FER1L5: variants seen among roughly 807,000 people sequenced by gnomAD.
FER1L5 encodes fer-1 like family member 5.
FER1L5 carries 187 observed loss-of-function variants against 279.9 expected under a neutral mutation model. The ratio of observed to expected loss-of-function variants is 0.67; its 90% CI spans 0.59 to 0.75. The LOEUF (loss-of-function observed/expected upper bound fraction) is 0.75. FER1L5 is among the 30% of genes least tolerant of loss of function. The pLI is 0.00. For missense variants in FER1L5, 2,091 were observed against 2,594.4 expected, an observed-to-expected ratio of 0.81 and a Z score of 4.21; for synonymous variants, 921 against 989.7, an observed-to-expected ratio of 0.93 and a Z score of 1.30.
intron 13 of FER1L5, among the ~76,000 whole-genome samples, chr2:96,663,059 A>C (rs2076009343): frequency 6.6e-6 from 1 of 152,238 alleles, no homozygotes; most frequent in South Asian, 2.1e-4. Context: ...GACGGTTTTA[A>C]AACAGGCATG....
chr2:96,700,009 C>G lies in FER1L5; in HGVS notation c.4859C>G (p.Pro1620Arg). The G allele has an allele frequency of 6.2e-7, 1 of 1,614,020 alleles. No individual in the cohort carries two copies. The highest frequency in any genetic ancestry group is 8.5e-7 in the Non-Finnish European group (1 of 1,179,916). The change falls in exon 44 of 53, where the codon CCT becomes CGT. Residue 1620 changes from proline (P) to arginine (R), a missense_variant. Pro to Arg is a moderately radical substitution (Grantham distance 103, BLOSUM62 -2). Coordinates refer to ENST00000624922, the MANE Select transcript of FER1L5 (RefSeq NM_001293083.2). ...LERYAKRKGL[P>R]PPLFSPEEDA... ...CGCTATGCCAAGCGGAAAGGGCTAC[C>G]TCCGCCTCTGTTCAGTCCTGAGGAA...
intron 9 of FER1L5, 36 bp downstream of exon 9, chr2:96,654,532 A>G (rs1661895955): frequency 5.0e-6 from 2 of 398,798 alleles, no homozygotes; most frequent in Admixed American, 8.8e-5. Context: ...TCAGTGAAAC[A>G]GTTATTAAAA....
At chr2:96,688,969 C>T (rs1451657441) in intron 24 of FER1L5, 1 of 479,132 alleles carries the variant, frequency 2.1e-6, no homozygotes, top group Non-Finnish European at 3.7e-6. Flanking sequence ...ACATAGATGT[C>T]TTATGATATC....
chr2:96,660,241 T>A, intron 9 of FER1L5, 100 bp from the exon 10 acceptor site: 2 of 1,226,824 alleles, frequency 1.6e-6, no homozygotes, highest in Non-Finnish European at 1.2e-6. Flanking sequence ...GCAGAGAACA[T>A]ACTGAAGCCC....
In FER1L5 at chr2:96,672,990, A is replaced by G. The variant is rs886121110; in HGVS notation, c.1492-87A>G. 2.1e-6 allele frequency: 3 copies of G among 1,453,026 alleles called. No homozygotes were observed. The African/African-American group carries it at 4.3e-5, about 21-fold the overall frequency. 90.0% of individuals were successfully genotyped at this position (1,453,026 alleles called of 1,614,324 possible). Reference sequence around the variant, plus strand: ...AGAAGGGAAGATGGCTTTGAAAGAAAGATACCTCATCCTTGCCTCCCTGCC... The same window carrying G: ...AGAAGGGAAGATGGCTTTGAAAGAAGGATACCTCATCCTTGCCTCCCTGCC... On this transcript the variant is annotated intron_variant, in intron 18 of 52. Coordinates refer to ENST00000624922, the MANE Select transcript of FER1L5 (RefSeq NM_001293083.2).
chr2:96,703,761 T>A (rs536757596), intron 51 of FER1L5, 129 bp downstream of exon 51: 1 of 738,226 alleles, frequency 1.4e-6, no homozygotes, highest in African/African-American at 1.8e-5. Flanking sequence ...TCAGTTACAA[T>A]CAGCAAAGAA....
chr2:96,700,517 G>C (rs752444097), intron 45 of FER1L5, 46 bp downstream of exon 45: 2 of 1,608,080 alleles, frequency 1.2e-6, no homozygotes, highest in South Asian at 1.1e-5. Context: ...GGAGGAGCTA[G>C]ATCAGGAGAC....
chr2:96,670,214 A>G lies in FER1L5; in HGVS notation c.1458A>G (p.Ile486Met). The G allele has an allele frequency of 6.4e-7, 1 of 1,551,572 alleles. No homozygotes were observed. The highest frequency in any genetic ancestry group is 8.7e-7 in the Non-Finnish European group (1 of 1,146,940). ...TCAAGTCCTATCAAGACTCCACGAT[A>G]AAGGATCTCTCCCATGAAGTGACCA... is the stretch of plus-strand genomic sequence containing the variant. ...TQIKSYQDST[I>M]KDLSHEVTRI... The change falls in exon 18 of 53, where the codon ATA (isoleucine) becomes ATG (methionine). Residue 486 changes from isoleucine to methionine, a missense_variant. Physicochemically the swap from Ile to Met is conservative, Grantham distance 10. Coordinates refer to ENST00000624922, the MANE Select transcript of FER1L5 (RefSeq NM_001293083.2).
Position 96,704,568 on chromosome 2 carries a change from C to G in FER1L5, c.6050C>G (p.Ser2017Cys), listed in dbSNP as rs2077716470. 6.2e-7 allele frequency: 1 copy of G among 1,613,852 alleles called. No homozygotes were observed. Among genetic ancestry groups the G allele is most frequent in the South Asian group, 1.1e-5 (1 of 91,086 alleles). The change falls in exon 53 of 53, where the codon TCT becomes TGT. Residue 2017 changes from serine (S) to cysteine (C), a missense_variant. Transcript: ENST00000624922. The stretch of plus-strand genomic sequence containing the variant: ...TCACTAAACACCAGCAACGCCAGCT[C>G]TTCCATCCTTCCCACCCAGGATCCA... Reference protein sequence around the residue: ...INSLNTSNASSSILPTQDPNL... With the variant: ...INSLNTSNASCSILPTQDPNL...
chr2:96,659,486 T>C (rs571388296), intron 9 of FER1L5, among the ~76,000 whole-genome samples: 3 of 37,068 alleles, frequency 8.1e-5, no homozygotes, highest in Non-Finnish European at 1.2e-4. Context: ...TCTTTCTTTC[T>C]TTCTTTCTTT....
At position 96,684,439 on chromosome 2, in the gene FER1L5, T is replaced by G. The variant is rs1224459867; in HGVS notation, c.1782T>G (p.Thr594=). The change falls in exon 20 of 53, where the codon ACT becomes ACG. Residue 594 remains threonine (T), a synonymous_variant. Transcript: ENST00000624922. ...RMNCLNLLHF[T]RDRLKANLDT... Reference sequence around the variant, plus strand: ...ACTGCCTCAACCTCCTCCACTTCACTCGGGACCGCCTGGTGAGTGGTGCGG... The same window carrying G: ...ACTGCCTCAACCTCCTCCACTTCACGCGGGACCGCCTGGTGAGTGGTGCGG... 2.6e-6 allele frequency: 4 copies of G among 1,551,476 alleles called. No homozygotes were observed. The South Asian group carries it at 4.8e-5, about 18-fold the overall frequency.
At chr2:96,686,383 G>T (rs1305072581) in intron 23 of FER1L5, 33 bp downstream of exon 23, 6 of 1,535,568 alleles carry the variant, frequency 3.9e-6, no homozygotes, top group Non-Finnish European at 5.3e-6. Context: ...GGGAGGACAG[G>T]GCTGAGAAAT....
intron 45 of FER1L5, among the ~76,000 whole-genome samples, chr2:96,701,024 T>C (rs559675019): frequency 6.6e-6 from 1 of 152,252 alleles, no homozygotes; most frequent in Non-Finnish European, 1.5e-5. Flanking sequence ...TAAAAAACCA[T>C]TCCCACAGGC....
intron 19 of FER1L5, among the ~76,000 whole-genome samples, chr2:96,675,293 C>A (rs887902887): frequency 6.6e-6 from 1 of 152,048 alleles, no homozygotes; most frequent in African/African-American, 2.4e-5. Context: ...AATTATATAC[C>A]TATGGGTGGA....
intron 37 of FER1L5, among the ~76,000 whole-genome samples, chr2:96,696,810 C>T (rs544515855): frequency 7.4e-4 from 112 of 152,292 alleles, no homozygotes; most frequent in African/African-American, 2.6e-3. Context: ...GAGGCTGAGG[C>T]ACAAGAATCG....
Position 96,671,837 on chromosome 2 carries a change from A to T in FER1L5, c.1492-1240A>T, listed in dbSNP as rs143615987. Among the ~76,000 whole-genome samples the T allele has an allele frequency of 1.1e-4, 17 of 152,292 alleles. No individual in the cohort carries two copies. The East Asian group carries it at 1.5e-3, about 14-fold the overall frequency. Reference sequence around the variant, plus strand: ...CAGCAATCTTGAATGTGGCAGAGAGAAAGGGCGAGGACTGAGAGATATCTG... The same window carrying T: ...CAGCAATCTTGAATGTGGCAGAGAGTAAGGGCGAGGACTGAGAGATATCTG... On this transcript the variant is annotated intron_variant, in intron 18 of 52. Coordinates refer to ENST00000624922, the MANE Select transcript of FER1L5 (RefSeq NM_001293083.2).
chr2:96,691,066 C>A lies in FER1L5; in HGVS notation c.2744-124C>A. ...TGTAGCCACACTCTCCTTTCCACAC[C>A]TCAGGGCCAGAGACCTGGATGTGAG... On this transcript the variant is annotated intron_variant, in intron 27 of 52. Coordinates refer to ENST00000624922, the MANE Select transcript of FER1L5 (RefSeq NM_001293083.2). The surrounding 1 kb of genome is among the most constrained non-coding windows in gnomAD (Gnocchi z 6.0). The A allele has an allele frequency of 7.8e-7, 1 of 1,278,978 alleles. No individual in the cohort carries two copies. Among genetic ancestry groups the A allele is most frequent in the Non-Finnish European group, 1.1e-6 (1 of 952,000 alleles). 79.2% of individuals were successfully genotyped at this position (1,278,978 alleles called of 1,614,324 possible). A position where few individuals can be genotyped will look rare whatever the true frequency, so the allele number is the denominator to read the frequency against.
chr2:96,691,164 C>CA lies in FER1L5; in HGVS notation c.2744-25dup. The CA allele has an allele frequency of 6.5e-7, 1 of 1,532,736 alleles. No homozygotes were observed. Among genetic ancestry groups the CA allele is most frequent in the South Asian group, 1.2e-5 (1 of 82,188 alleles). The allele number at this position is 1,532,736 out of a possible 1,614,324, so 94.9% of individuals were successfully genotyped here. ...CCCAACCTGCGGGCACCTGAGGACT[C>CA]AGAGGCCATGGTCCACCCACCGCAG... On this transcript the variant is annotated intron_variant, in intron 27 of 52. Transcript: ENST00000624922. This position sits in a 1 kb window ranked among gnomAD's most constrained non-coding sequence, Gnocchi z 6.0.
At chr2:96,700,176 G>T in intron 44 of FER1L5, 96 bp downstream of exon 44, 1 of 1,562,362 alleles carries the variant, frequency 6.4e-7, no homozygotes, top group African/African-American at 1.4e-5. Context: ...GGGGAGAAAG[G>T]GGAGGACAAG....
Sources: gnomAD v4.1 joint callset for allele counts (sites outside exome capture counted in the v4.1 genomes callset) on GRCh38, gnomAD v4.1.1 for gene constraint, Gnocchi (gnomAD v3.1) non-coding constraint, MANE v1.5 for transcripts, NCBI Gene and HGNC (gene_info 2026-07-23, HGNC 2026-07-21) for gene names.